CTNND2: variants seen among roughly 807,000 people sequenced by gnomAD.
CTNND2 encodes the protein catenin delta-2.
Under a neutral mutation model 144.4 loss-of-function variants are expected in CTNND2, and 22 were observed. The ratio of observed to expected loss-of-function variants is 0.15; its 90% CI spans 0.11 to 0.22. CTNND2 has a LOEUF of 0.22. Ranked by LOEUF, CTNND2 falls within the 10% of genes least tolerant of loss-of-function variation. The probability of loss-of-function intolerance (pLI) is 1.00; values close to 1 mark genes in which losing one functional copy is unlikely to be tolerated. For missense variants in CTNND2, 1,353 were observed against 1,618.8 expected, an observed-to-expected ratio of 0.84 and a Z score of 2.82; for synonymous variants, 751 against 695.6, an observed-to-expected ratio of 1.08 and a Z score of -1.25.
At chr5:11,090,622 C>T (rs1463430156) in intron 15 of CTNND2, among the ~76,000 whole-genome samples, 1 of 152,174 alleles carries the variant, frequency 6.6e-6, no homozygotes, top group African/African-American at 2.4e-5. Context: ...TGAGGTGGAA[C>T]AGTTTCATTC....
intron 3 of CTNND2, among the ~76,000 whole-genome samples, chr5:11,543,085 T>C (rs1417702338): frequency 6.6e-6 from 1 of 152,220 alleles, no homozygotes; most frequent in Non-Finnish European, 1.5e-5. Context: ...CTTTCATCTA[T>C]GTGACTGCTC....
intron 9 of CTNND2, among the ~76,000 whole-genome samples, chr5:11,292,561 T>C (rs1379322271): frequency 6.6e-6 from 1 of 152,106 alleles, no homozygotes; most frequent in East Asian, 1.9e-4. Context: ...TTTGATGGTT[T>C]TATAAGTGTT....
intron 9 of CTNND2, among the ~76,000 whole-genome samples, chr5:11,323,996 C>T (rs1364370929): frequency 6.6e-6 from 1 of 152,106 alleles, no homozygotes; most frequent in African/African-American, 2.4e-5. Context: ...ACGTCACCAT[C>T]TGGTCATTAG....
intron 16 of CTNND2, among the ~76,000 whole-genome samples, chr5:11,079,024 T>C (rs1749252989): frequency 6.6e-6 from 1 of 152,156 alleles, no homozygotes; most frequent in Non-Finnish European, 1.5e-5. Flanking sequence ...AATATTATGG[T>C]TTTTCTTGGA....
intron 16 of CTNND2, among the ~76,000 whole-genome samples, chr5:11,024,908 C>A (rs1415099255): frequency 6.6e-6 from 1 of 152,136 alleles, no homozygotes; most frequent in Non-Finnish European, 1.5e-5. Flanking sequence ...GGTACCCAAC[C>A]CCTGCAGAGC....
intron 14 of CTNND2, among the ~76,000 whole-genome samples, chr5:11,106,604 G>T (rs1309211783): frequency 6.6e-6 from 1 of 152,162 alleles, no homozygotes; most frequent in Non-Finnish European, 1.5e-5. Context: ...AATACAAGTT[G>T]GGTTTTTGTT....
chr5:11,384,223 G>A lies in CTNND2; in HGVS notation c.1177+442C>T, dbSNP rs1758807217. 2.0e-5 allele frequency among the ~76,000 whole-genome samples: 3 copies of A among 152,186 alleles called. No homozygotes were observed. The highest frequency in any genetic ancestry group is 4.1e-4 in the South Asian group (2 of 4,832). Reference sequence around the variant, plus strand: ...CTATTGAAAACTATGTAAGCTGAACGTCTAATTTGAGAAAATCCCTTACTT... The same window carrying A: ...CTATTGAAAACTATGTAAGCTGAACATCTAATTTGAGAAAATCCCTTACTT... On this transcript the variant is annotated intron_variant, in intron 7 of 21. Transcript: ENST00000304623. The surrounding 1 kb of genome is among the most constrained non-coding windows in gnomAD (Gnocchi z 5.2).
intron 2 of CTNND2, among the ~76,000 whole-genome samples, chr5:11,710,635 GA>G (rs1463949798): frequency 2.6e-5 from 4 of 151,732 alleles, no homozygotes; most frequent in Non-Finnish European, 4.4e-5. Flanking sequence ...CCTATTAGCA[GA>G]AATCCTTGAA....
At chr5:11,078,151 G>A (rs937624216) in intron 16 of CTNND2, among the ~76,000 whole-genome samples, 1 of 152,184 alleles carries the variant, frequency 6.6e-6, no homozygotes, top group African/African-American at 2.4e-5. Flanking sequence ...CTAGCCTTCT[G>A]TGAGAGGTGA....
At chr5:11,659,800 T>C (rs1396062053) in intron 2 of CTNND2, among the ~76,000 whole-genome samples, 1 of 152,152 alleles carries the variant, frequency 6.6e-6, no homozygotes, top group Non-Finnish European at 1.5e-5. Flanking sequence ...TTGCTTCATA[T>C]ATTTGTCTAG....
At chr5:11,616,266 G>A (rs769462414) in intron 2 of CTNND2, among the ~76,000 whole-genome samples, 1 of 152,086 alleles carries the variant, frequency 6.6e-6, no homozygotes, top group Non-Finnish European at 1.5e-5. Flanking sequence ...GTCAAGGCAT[G>A]ATCTACTATG....
intron 1 of CTNND2, among the ~76,000 whole-genome samples, chr5:11,833,945 T>C (rs2126967956): frequency 6.6e-6 from 1 of 152,296 alleles, no homozygotes; most frequent in African/African-American, 2.4e-5. Context: ...CATCAAATCC[T>C]GAATATATCC....
At chr5:11,291,454 T>G (rs771692707) in intron 9 of CTNND2, among the ~76,000 whole-genome samples, 1 of 152,152 alleles carries the variant, frequency 6.6e-6, no homozygotes, top group Non-Finnish European at 1.5e-5. Context: ...TTTCCCAGTT[T>G]ACTGTGTCAA....
At chr5:11,527,878 G>A (rs553764695) in intron 3 of CTNND2, among the ~76,000 whole-genome samples, 14 of 152,312 alleles carry the variant, frequency 9.2e-5, no homozygotes, top group African/African-American at 3.4e-4. Context: ...ACCCCAGGGT[G>A]TAGTCAACAT....
At chr5:11,405,717 C>T (rs938987826) in intron 5 of CTNND2, among the ~76,000 whole-genome samples, 3 of 152,074 alleles carry the variant, frequency 2.0e-5, no homozygotes, top group Admixed American at 2.0e-4. Flanking sequence ...CAGCTTTTGC[C>T]CTCACCTTCT....
intron 19 of CTNND2, among the ~76,000 whole-genome samples, chr5:10,991,929 A>G (rs1009740952): frequency 7.2e-5 from 11 of 152,178 alleles, no homozygotes; most frequent in Non-Finnish European, 1.6e-4. Flanking sequence ...TTATTTATTT[A>G]TTTATTGAGA....
chr5:11,892,061 T>C (rs1378501959), intron 1 of CTNND2, among the ~76,000 whole-genome samples: 5 of 152,244 alleles, frequency 3.3e-5, no homozygotes, highest in African/African-American at 4.8e-5. Context: ...CAAATTCTTC[T>C]GACATCATAA....
intron 3 of CTNND2, among the ~76,000 whole-genome samples, chr5:11,422,554 C>T (rs1452489821): frequency 6.6e-6 from 1 of 152,226 alleles, no homozygotes; most frequent in Non-Finnish European, 1.5e-5. Flanking sequence ...ACGGCCTGGA[C>T]ACACGCGACT....
chr5:11,430,301 A>G (rs1333132057), intron 3 of CTNND2, among the ~76,000 whole-genome samples: 2 of 146,236 alleles, frequency 1.4e-5, no homozygotes, highest in Admixed American at 6.8e-5. Context: ...TACCATTAAG[A>G]GTTAGTATAA....
Sources: allele counts gnomAD v4.1 joint callset (sites outside exome capture counted in the v4.1 genomes callset), GRCh38; gene constraint gnomAD v4.1.1; non-coding constraint Gnocchi (gnomAD v3.1); transcripts MANE v1.5; gene names NCBI Gene and HGNC (gene_info 2026-07-23, HGNC 2026-07-21).